The following UTRN variants were observed in gnomAD, a reference collection of about 807,000 sequenced individuals.
The protein encoded by UTRN is dystrophin-related protein 1.
Under a neutral mutation model 463.9 loss-of-function variants are expected in UTRN, and 283 were observed. The ratio of observed to expected loss-of-function variants is 0.61; its 90% confidence interval spans 0.55 to 0.67. UTRN has a LOEUF of 0.67. Ranked by LOEUF, UTRN falls within the 30% of genes least tolerant of loss-of-function variation. The probability of loss-of-function intolerance (pLI) is 0.00; values close to 1 mark genes in which losing one functional copy is unlikely to be tolerated. For missense variants in UTRN, 3,922 were observed against 4,084.3 expected (o/e 0.96, Z 1.08); for synonymous variants, 1,442 against 1,431.5 (o/e 1.01, Z -0.17).
chr6:144,650,728 G>A (rs1778729392), intron 51 of UTRN, among the ~76,000 whole-genome samples: 1 of 152,120 alleles, frequency 6.6e-6, no homozygotes, highest in Non-Finnish European at 1.5e-5. Context: ...GACCAACATG[G>A]TGAAACTCTG....
chr6:144,511,705 A>G (rs1415784914), intron 35 of UTRN, among the ~76,000 whole-genome samples: 1 of 152,186 alleles, frequency 6.6e-6, no homozygotes, highest in African/African-American at 2.4e-5. Flanking sequence ...AGATTTTGCT[A>G]TGATTATAAT....
chr6:144,352,171 C>T (rs751037873), intron 2 of UTRN, among the ~76,000 whole-genome samples: 1 of 152,130 alleles, frequency 6.6e-6, no homozygotes, highest in Admixed American at 6.5e-5. Context: ...CTCTAACCCA[C>T]CCATGCAATC....
intron 51 of UTRN, among the ~76,000 whole-genome samples, chr6:144,613,148 CTA>C (rs1805706125): frequency 6.6e-6 from 1 of 151,920 alleles, no homozygotes; most frequent in African/African-American, 2.4e-5. Context: ...TCTATGGAAT[CTA>C]ATACATTTGA....
intron 23 of UTRN, among the ~76,000 whole-genome samples, chr6:144,470,345 A>G (rs1235429527): frequency 6.7e-6 from 1 of 149,788 alleles, no homozygotes; most frequent in Non-Finnish European, 1.5e-5. Context: ...CACTTCCCAG[A>G]TGGGGTGGCT....
At chr6:144,643,016 G>A (rs1341175425) in intron 51 of UTRN, among the ~76,000 whole-genome samples, 2 of 151,888 alleles carry the variant, frequency 1.3e-5, no homozygotes, top group Admixed American at 6.6e-5. Flanking sequence ...TGATCTTCAG[G>A]ATATTTTTCC....
chr6:144,576,995 G>T, intron 50 of UTRN, 104 bp from the exon 51 acceptor site: 1 of 1,073,604 alleles, frequency 9.3e-7, no homozygotes. Context: ...TGAATAAAAG[G>T]TCCTTTGGGG....
At chr6:144,455,723 T>G (rs1455242865) in intron 19 of UTRN, among the ~76,000 whole-genome samples, 3 of 152,180 alleles carry the variant, frequency 2.0e-5, no homozygotes. Flanking sequence ...CTTGGGAAAG[T>G]CTTGGAACCC....
Position 144,763,958 on chromosome 6 carries a change from G to A in UTRN, c.8495+5969G>A, listed in dbSNP as rs373734761. ...TTTTTAAGTAAAGAACTCTTGGGCC[G>A]CACTTTGAATCTCTTTCAAGAACTG... On this transcript the variant is annotated intron_variant, in intron 58 of 74. Transcript: ENST00000367545. 2.2e-4 allele frequency among the ~76,000 whole-genome samples: 33 copies of A among 152,220 alleles called. No homozygotes were observed. The South Asian group carries it at 2.7e-3, about 12-fold the overall frequency.
chr6:144,720,208 TG>T (rs1398917016), intron 53 of UTRN, among the ~76,000 whole-genome samples: 2 of 152,276 alleles, frequency 1.3e-5, no homozygotes, highest in African/African-American at 4.8e-5. Context: ...GAAGATCAGC[TG>T]ATTGACTTCC....
chr6:144,305,310 C>A (rs1480655404), intron 2 of UTRN, among the ~76,000 whole-genome samples: 1 of 152,126 alleles, frequency 6.6e-6, no homozygotes, highest in Non-Finnish European at 1.5e-5. Context: ...AATTGCCCTG[C>A]AGTGTTTATG....
chr6:144,538,989 G>A (rs1259566660), intron 44 of UTRN, among the ~76,000 whole-genome samples: 3 of 152,162 alleles, frequency 2.0e-5, no homozygotes, highest in Non-Finnish European at 4.4e-5. Flanking sequence ...GAGTAGCAAG[G>A]AGGAGATAAG....
chr6:144,441,050 T>A (rs982061825), intron 13 of UTRN, among the ~76,000 whole-genome samples: 2 of 152,170 alleles, frequency 1.3e-5, no homozygotes, highest in Non-Finnish European at 2.9e-5. Flanking sequence ...AATGTGGGAA[T>A]TGTGGGAGTT....
intron 2 of UTRN, among the ~76,000 whole-genome samples, chr6:144,347,099 G>A (rs1777651438): frequency 6.6e-6 from 1 of 152,174 alleles, no homozygotes; most frequent in African/African-American, 2.4e-5. Flanking sequence ...AATTGCCACT[G>A]CTCAGGAAAC....
In UTRN at chr6:144,564,333, G is replaced by T. The variant is rs533245444; in HGVS notation, c.7289+7022G>T. 1.8e-3 allele frequency among the ~76,000 whole-genome samples: 269 copies of T among 152,236 alleles called. 3 individuals are homozygous for T. Among genetic ancestry groups the T allele is most frequent in the Middle Eastern group, 0.017 (5 of 294 alleles). ...GAAGGTTAAGAAGGAACCATCTGAA[G>T]AAAATTACAGAGTGAACAGCAAATA... On this transcript the variant is annotated intron_variant, in intron 50 of 74. Coordinates refer to ENST00000367545, the MANE Select transcript of UTRN (RefSeq NM_007124.3).
intron 32 of UTRN, among the ~76,000 whole-genome samples, chr6:144,492,599 G>A (rs1047377511): frequency 1.3e-5 from 2 of 152,212 alleles, no homozygotes; most frequent in African/African-American, 4.8e-5. Flanking sequence ...TTTCCAAACT[G>A]CTTTCCCTAG....
chr6:144,405,260 T>C (rs9496962), intron 3 of UTRN, among the ~76,000 whole-genome samples: 14,815 of 152,110 alleles, frequency 0.097, 1,910 homozygotes, highest in African/African-American at 0.29. Context: ...TATTTGGAGA[T>C]GGGAAGCTCA....
At chr6:144,841,149 A>G (rs1472932094) in intron 73 of UTRN, among the ~76,000 whole-genome samples, 1 of 152,228 alleles carries the variant, frequency 6.6e-6, no homozygotes, top group African/African-American at 2.4e-5. Flanking sequence ...GCAAGCTATC[A>G]TAAGGAACAC....
chr6:144,664,537 C>T (rs775769097), intron 51 of UTRN, among the ~76,000 whole-genome samples: 29 of 149,534 alleles, frequency 1.9e-4, no homozygotes, highest in Non-Finnish European at 3.5e-4. Context: ...CTCCTGGGCT[C>T]AAGCTATCCA....
At chr6:144,425,629 C>T (rs973529301) in intron 6 of UTRN, among the ~76,000 whole-genome samples, 45 of 152,098 alleles carry the variant, frequency 3.0e-4, no homozygotes, top group African/African-American at 9.7e-4. Flanking sequence ...TCTCTCCATT[C>T]ATTTATTCAT....
Sources: allele counts gnomAD v4.1 joint callset (sites outside exome capture counted in the v4.1 genomes callset), GRCh38; gene constraint gnomAD v4.1.1; transcripts MANE v1.5; gene names NCBI Gene and HGNC (gene_info 2026-07-23, HGNC 2026-07-21).